Variants in GRM8 observed in about 807,000 individuals in gnomAD.
The protein encoded by GRM8 is glutamate metabotropic receptor 8.
Under a neutral mutation model 87.2 loss-of-function variants are expected in GRM8, and 47 were observed. That is an observed-to-expected ratio of 0.54 (90% CI 0.43 to 0.69). GRM8 has a LOEUF of 0.69. GRM8 is among the 30% of genes least tolerant of loss of function. The pLI is 0.00. For synonymous variants in GRM8, 396 were observed against 404.5 expected (o/e 0.98, Z 0.25); for missense variants, 1,019 against 1,139.2 (o/e 0.89, Z 1.52).
At chr7:127,146,393 T>C (rs964707371) in intron 2 of GRM8, among the ~76,000 whole-genome samples, 1 of 151,970 alleles carries the variant, frequency 6.6e-6, no homozygotes, top group Non-Finnish European at 1.5e-5. Context: ...CCCAGAGCTA[T>C]GGCTTGAAGA....
intron 9 of GRM8, among the ~76,000 whole-genome samples, chr7:126,452,346 A>G (rs945707829): frequency 9.3e-5 from 14 of 150,888 alleles, no homozygotes; most frequent in African/African-American, 3.4e-4. Flanking sequence ...TGATGAGTTA[A>G]TGGGTGCAGC....
intron 6 of GRM8, among the ~76,000 whole-genome samples, chr7:126,899,608 T>C (rs892529234): frequency 1.6e-4 from 24 of 152,234 alleles, no homozygotes; most frequent in African/African-American, 5.3e-4. Context: ...TACGTATATG[T>C]TTGTGTGTAC....
chr7:126,548,639 A>G (rs1167606849), intron 8 of GRM8, among the ~76,000 whole-genome samples: 3 of 152,226 alleles, frequency 2.0e-5, no homozygotes, highest in African/African-American at 7.2e-5. Flanking sequence ...TAACAGGGTT[A>G]AAATAGATAT....
intron 2 of GRM8, among the ~76,000 whole-genome samples, chr7:127,241,597 C>T (rs1193972744): frequency 6.6e-6 from 1 of 152,070 alleles, no homozygotes; most frequent in Non-Finnish European, 1.5e-5. Flanking sequence ...CTATGCCGGG[C>T]TAATTTTTTG....
intron 2 of GRM8, among the ~76,000 whole-genome samples, chr7:127,217,907 C>T (rs1440824761): frequency 2.6e-5 from 4 of 152,176 alleles, no homozygotes; most frequent in Non-Finnish European, 5.9e-5. Flanking sequence ...AATTCCAAAG[C>T]CTTGCACATG....
At chr7:126,780,245 T>C (rs182706470) in intron 6 of GRM8, among the ~76,000 whole-genome samples, 25 of 152,316 alleles carry the variant, frequency 1.6e-4, no homozygotes, top group Admixed American at 9.8e-4. Flanking sequence ...TTACTAGTTA[T>C]GAGCTTTGAG....
intron 2 of GRM8, chr7:127,111,290 G>A (rs539611544): frequency 6.6e-6 from 1 of 152,164 alleles, no homozygotes; most frequent in East Asian, 1.9e-4. Flanking sequence ...ATTTAACTTA[G>A]AGCTCAAGAT....
At chr7:126,618,878 G>A (rs1163553536) in intron 7 of GRM8, among the ~76,000 whole-genome samples, 2 of 152,202 alleles carry the variant, frequency 1.3e-5, no homozygotes, top group Non-Finnish European at 2.9e-5. Context: ...GAAACAACAG[G>A]TGATGGAGAG....
chr7:126,783,855 C>T (rs1820352134), intron 6 of GRM8, among the ~76,000 whole-genome samples: 2 of 152,246 alleles, frequency 1.3e-5, no homozygotes, highest in African/African-American at 4.8e-5. Flanking sequence ...TTTCAAACCC[C>T]TCATAAATCA....
rs78145918 is a variant in GRM8, at chr7:127,105,861, A to G, written c.727+635T>C. Among the ~76,000 whole-genome samples the G allele has an allele frequency of 3.3e-3, 504 of 152,334 alleles. 3 individuals carry two copies. Among genetic ancestry groups the G allele is most frequent in the African/African-American group, 0.012 (491 of 41,576 alleles). ...GGATTTACAACCTCATCGTACACAT[A>G]CAAGATGGTAAAATGCCTAGACACT... is the stretch of plus-strand genomic sequence containing the variant. On this transcript the variant is annotated intron_variant, in intron 3 of 10. Transcript: ENST00000339582.
intron 2 of GRM8, among the ~76,000 whole-genome samples, chr7:127,131,362 G>C (rs374005862): frequency 2.6e-5 from 4 of 152,316 alleles, no homozygotes; most frequent in South Asian, 4.1e-4. Flanking sequence ...TGACCTTTGG[G>C]ATGATTAGAC....
chr7:126,822,494 CT>C (rs1387628542), intron 6 of GRM8, among the ~76,000 whole-genome samples: 1 of 150,492 alleles, frequency 6.6e-6, no homozygotes, highest in Non-Finnish European at 1.5e-5. Flanking sequence ...TTTCCTCTGT[CT>C]TTCTCCTTCT....
intron 2 of GRM8, among the ~76,000 whole-genome samples, chr7:127,223,254 A>G (rs1376054988): frequency 6.6e-6 from 1 of 152,070 alleles, no homozygotes; most frequent in African/African-American, 2.4e-5. Context: ...GTATTTCCTC[A>G]TCTATACCTG....
intron 9 of GRM8, among the ~76,000 whole-genome samples, chr7:126,527,831 C>T (rs973592128): frequency 6.6e-6 from 1 of 152,198 alleles, no homozygotes; most frequent in Non-Finnish European, 1.5e-5. Context: ...TCCAAATGCT[C>T]CAGATTCTTC....
chr7:127,115,569 T>A (rs1481589641), intron 2 of GRM8, among the ~76,000 whole-genome samples: 1 of 152,192 alleles, frequency 6.6e-6, no homozygotes, highest in Non-Finnish European at 1.5e-5. Flanking sequence ...CTAACCTGTT[T>A]ACTTAAAATA....
At chr7:127,043,136 G>A (rs1428138359) in intron 3 of GRM8, among the ~76,000 whole-genome samples, 1 of 152,192 alleles carries the variant, frequency 6.6e-6, no homozygotes. Flanking sequence ...AGAGGATGTG[G>A]AGAAATAGGA....
intron 3 of GRM8, among the ~76,000 whole-genome samples, chr7:126,919,360 A>G (rs1804257368): frequency 6.6e-6 from 1 of 152,220 alleles, no homozygotes; most frequent in Non-Finnish European, 1.5e-5. Flanking sequence ...TGAATTATGT[A>G]AGTTCTAATA....
intron 6 of GRM8, among the ~76,000 whole-genome samples, chr7:126,787,910 C>T (rs1010015403): frequency 6.6e-6 from 1 of 151,934 alleles, no homozygotes; most frequent in Non-Finnish European, 1.5e-5. Context: ...TAAAACTTTC[C>T]GTTTGTGATC....
At chr7:126,459,623 G>C (rs185575235) in intron 9 of GRM8, among the ~76,000 whole-genome samples, 1 of 151,584 alleles carries the variant, frequency 6.6e-6, no homozygotes, top group Admixed American at 6.6e-5. Context: ...TATTTGAAAG[G>C]AAGAAAATAA....
Sources: gnomAD v4.1 joint callset for allele counts (sites outside exome capture counted in the v4.1 genomes callset) on GRCh38, gnomAD v4.1.1 for gene constraint, MANE v1.5 for transcripts, NCBI Gene and HGNC (gene_info 2026-07-23, HGNC 2026-07-21) for gene names.